The following SMG1 variants were observed in gnomAD, a reference collection of about 807,000 sequenced individuals.
The protein encoded by SMG1 is SMG1 nonsense mediated mRNA decay associated PI3K related kinase.
A neutral mutation model predicts 419.9 loss-of-function variants in SMG1; 22 were observed. That is an observed-to-expected ratio of 0.05 (90% CI 0.04 to 0.07). SMG1 has a LOEUF of 0.07. Ranked by LOEUF, SMG1 falls within the 10% of genes least tolerant of loss-of-function variation. The pLI, the probability that SMG1 is intolerant of heterozygous loss-of-function variation, is 1.00. For missense variants in SMG1, 3,185 were observed against 4,342.0 expected (o/e 0.73, Z 7.49); for synonymous variants, 1,538 against 1,553.5 (o/e 0.99, Z 0.23).
chr16:18,853,953 A>C, intron 30 of SMG1, 86 bp from the exon 31 acceptor site: 18 of 1,220,228 alleles, frequency 1.5e-5, no homozygotes, highest in Non-Finnish European at 1.8e-5. Context: ...AAATATCAAC[A>C]TGGTGATGAC....
intron 13 of SMG1, chr16:18,875,592 CA>C (rs34136187): frequency 5.1e-3 from 649 of 127,356 alleles, no homozygotes; most frequent in East Asian, 0.013. Flanking sequence ...ACCCCATCTC[CA>C]AAAAAAAAAA....
rs1242591751 is a variant in SMG1 at position 18,829,485 on chromosome 16, T to C, written c.9404A>G (p.Asp3135Gly). The change falls in exon 54 of 63, where the codon GAT becomes GGT. Residue 3135 changes from aspartate (D) to glycine (G), a missense_variant. By Grantham distance (94) the Asp-to-Gly change is moderately conservative (BLOSUM62 -1). Around this residue, in one of 27 missense-constraint regions of SMG1, gnomAD observed 737 missense variants for 846.6 expected, o/e 0.87. Coordinates refer to ENST00000446231, the MANE Select transcript of SMG1 (RefSeq NM_015092.5). ...TTCCACCGCTTTCTTACAGAGATCA[T>C]CAACAGAAACTTTGCTTTCGGCACC... ...DFGAESKVSV[D>G]DLCKKAVEHN... 6.2e-7 allele frequency: 1 copy of C among 1,613,980 alleles called. No homozygotes were observed. The highest frequency in any genetic ancestry group is 1.7e-5 in the Admixed American group (1 of 60,008).
chr16:18,885,814 A>T, intron 6 of SMG1, 148 bp from the exon 7 acceptor site: 1 of 695,066 alleles, frequency 1.4e-6, no homozygotes, highest in Non-Finnish European at 2.3e-6. Context: ...AAAAAAAAAA[A>T]TTGACTTGTA....
intron 26 of SMG1, among the ~76,000 whole-genome samples, chr16:18,860,174 C>T (rs546475475): frequency 3.9e-5 from 6 of 152,270 alleles, no homozygotes; most frequent in Non-Finnish European, 5.9e-5. Context: ...GCCGAGATTG[C>T]GCCACTGCAC....
intron 51 of SMG1, among the ~76,000 whole-genome samples, chr16:18,832,223 G>A (rs536090724): frequency 2.0e-5 from 3 of 152,100 alleles, no homozygotes; most frequent in African/African-American, 7.2e-5. Flanking sequence ...GAACGCCAAA[G>A]AAAAGAGGCC....
chr16:18,888,192 A>T, intron 6 of SMG1, among the ~76,000 whole-genome samples: 2 of 147,282 alleles, frequency 1.4e-5, no homozygotes, highest in African/African-American at 2.5e-5. Flanking sequence ...AAAAGGAATG[A>T]TGTTCTAATA....
intron 1 of SMG1, among the ~76,000 whole-genome samples, chr16:18,899,019 T>G (rs1037972060): frequency 6.6e-6 from 1 of 152,182 alleles, no homozygotes; most frequent in East Asian, 1.9e-4. Flanking sequence ...AATAAGATAA[T>G]GAATTATAAA....
At chr16:18,852,023 G>A (rs1325763665) in intron 33 of SMG1, 44 bp downstream of exon 33, 2 of 1,547,104 alleles carry the variant, frequency 1.3e-6, no homozygotes, top group Non-Finnish European at 1.7e-6. Context: ...CAAAATCAAT[G>A]ATTTGGAGTA....
chr16:18,897,960 T>C (rs1224734983), intron 1 of SMG1, among the ~76,000 whole-genome samples: 1 of 152,176 alleles, frequency 6.6e-6, no homozygotes, highest in Non-Finnish European at 1.5e-5. Context: ...CTCAACCTTT[T>C]AGAACCTGAA....
intron 53 of SMG1, 24 bp from the exon 54 acceptor site, chr16:18,829,779 T>A (rs1170946668): frequency 1.3e-6 from 2 of 1,569,094 alleles, no homozygotes; most frequent in African/African-American, 1.4e-5. Context: ...AAATTTCTTG[T>A]ATTTCATGAA....
At chr16:18,852,283 T>A (rs2034646581) in intron 32 of SMG1, 35 bp downstream of exon 32, 2 of 1,604,762 alleles carry the variant, frequency 1.2e-6, no homozygotes, top group South Asian at 2.2e-5. Context: ...TATCTATTTA[T>A]GCAATGCATA....
intron 1 of SMG1, among the ~76,000 whole-genome samples, chr16:18,924,107 T>A (rs1311642148): frequency 2.0e-5 from 3 of 152,212 alleles, no homozygotes; most frequent in African/African-American, 7.2e-5. Context: ...CCTGAAACTT[T>A]CTTACAAAAA....
rs879873487 is a variant in SMG1 at position 18,808,065 on chromosome 16, A to G, written c.*1504T>C. 1.4e-4 allele frequency: 22 copies of G among 152,238 alleles called. No homozygotes were observed. The highest frequency in any genetic ancestry group is 5.9e-4 in the Admixed American group (9 of 15,276). The allele number at this position is 152,238 out of a possible 1,614,324, so 9.4% of individuals were successfully genotyped here. On this transcript the variant is annotated 3_prime_UTR_variant, in exon 63 of 63. Coordinates refer to ENST00000446231, the MANE Select transcript of SMG1 (RefSeq NM_015092.5). The stretch of plus-strand genomic sequence containing the variant: ...CGTGAGCCACTGTGCCCAGCCAACA[A>G]TTAAGATTTTAATTGTGTTCTATTT...
intron 39 of SMG1, among the ~76,000 whole-genome samples, chr16:18,845,192 T>C (rs2034187309): frequency 6.6e-6 from 1 of 152,242 alleles, no homozygotes; most frequent in Non-Finnish European, 1.5e-5. Context: ...GGTGTGAGCC[T>C]TCCATACATG....
intron 1 of SMG1, among the ~76,000 whole-genome samples, chr16:18,919,271 G>A (rs544766721): frequency 6.6e-6 from 1 of 151,790 alleles, no homozygotes; most frequent in South Asian, 2.1e-4. Context: ...AGGTTGCAGT[G>A]AGCCAAGACT....
chr16:18,870,973 T>G, intron 16 of SMG1, 85 bp from the exon 17 acceptor site: 2 of 734,404 alleles, frequency 2.7e-6, no homozygotes, highest in African/African-American at 3.5e-5. Context: ...ATCCATTCAT[T>G]CATTCAACAA....
At chr16:18,881,721 T>C (rs2036407016) in intron 10 of SMG1, among the ~76,000 whole-genome samples, 1 of 152,190 alleles carries the variant, frequency 6.6e-6, no homozygotes, top group African/African-American at 2.4e-5. Flanking sequence ...GTTTATGTTC[T>C]TTGATATCAG....
At chr16:18,844,203 T>C (rs1381467997) in intron 39 of SMG1, among the ~76,000 whole-genome samples, 2 of 151,420 alleles carry the variant, frequency 1.3e-5, no homozygotes, top group African/African-American at 4.9e-5. Context: ...CCGAGGAGGG[T>C]GGATCACTTG....
At chr16:18,880,608 G>A (rs1473936079) in intron 10 of SMG1, among the ~76,000 whole-genome samples, 1 of 151,684 alleles carries the variant, frequency 6.6e-6, no homozygotes, top group Non-Finnish European at 1.5e-5. Context: ...CCAACTACTT[G>A]AGAGGCTGAG....
Sources: gnomAD v4.1 joint callset for allele counts (sites outside exome capture counted in the v4.1 genomes callset) on GRCh38, gnomAD v4.1.1 for gene constraint, gnomAD v4.1.1 regional missense constraint, MANE v1.5 for transcripts, NCBI Gene and HGNC (gene_info 2026-07-23, HGNC 2026-07-21) for gene names.